Variants in SIRT4 observed in about 807,000 individuals in gnomAD.
SIRT4 encodes the protein sirtuin 4, also known as NAD-dependent protein lipoamidase sirtuin-4, mitochondrial.
SIRT4 carries 23 observed loss-of-function variants against 26.1 expected under a neutral mutation model. The observed-to-expected ratio is 0.88, with a 90% confidence interval of 0.63 to 1.25. The LOEUF is 1.25. Ranked by LOEUF, SIRT4 falls within the 50% of genes most tolerant of loss-of-function variation. SIRT4 has a pLI of 0.00. For missense variants in SIRT4, 361 were observed against 405.4 expected (o/e 0.89, Z 0.94); for synonymous variants, 155 against 158.4 (o/e 0.98, Z 0.16).
upstream of SIRT4, among the ~76,000 whole-genome samples, chr12:120,299,366 A>G (rs1872462607): frequency 6.6e-6 from 1 of 151,242 alleles, no homozygotes; most frequent in Admixed American, 6.6e-5. Flanking sequence ...AGCCTGGCCA[A>G]CATGACGAAA....
the SIRT4 span, chr12:120,293,332 C>T: frequency 6.6e-6 from 1 of 152,190 alleles, no homozygotes; most frequent in Non-Finnish European, 1.5e-5. Context: ...TCACTTATTG[C>T]TTGCTTGAAA....
At chr12:120,310,923 G>C (rs1872936488) in intron 2 of SIRT4, among the ~76,000 whole-genome samples, 1 of 150,230 alleles carries the variant, frequency 6.7e-6, no homozygotes, top group African/African-American at 2.4e-5. Context: ...TTTTAGTAGA[G>C]ATGGGGTTTC....
At chr12:120,292,956 T>G in the SIRT4 span, 6 of 152,142 alleles carry the variant, frequency 3.9e-5, no homozygotes, top group Non-Finnish European at 8.8e-5. Context: ...AACTTGCAGG[T>G]GCTCTCGCGA....
intron 2 of SIRT4, among the ~76,000 whole-genome samples, chr12:120,305,598 C>T (rs1230987634): frequency 6.6e-6 from 1 of 152,054 alleles, no homozygotes; most frequent in Non-Finnish European, 1.5e-5. Flanking sequence ...TCTCATCCCT[C>T]ATGGGTCCAG....
intron 2 of SIRT4, among the ~76,000 whole-genome samples, chr12:120,309,005 C>T (rs1872851694): frequency 6.6e-6 from 1 of 152,006 alleles, no homozygotes. Context: ...CCTGTCACTA[C>T]TAAAAGTACA....
At chr12:120,301,729 A>T (rs1872556384), upstream of SIRT4, among the ~76,000 whole-genome samples, 1 of 152,132 alleles carries the variant, frequency 6.6e-6, no homozygotes, top group East Asian at 1.9e-4. Flanking sequence ...AAAACATCTC[A>T]TGTGGGTAAA....
upstream of SIRT4, among the ~76,000 whole-genome samples, chr12:120,299,588 A>T (rs1007672154): frequency 1.3e-5 from 2 of 152,036 alleles, no homozygotes; most frequent in African/African-American, 4.8e-5. Flanking sequence ...TTTTACTTAC[A>T]AGTCTTACTG....
chr12:120,296,519 T>G, the SIRT4 span, among the ~76,000 whole-genome samples: 3 of 148,158 alleles, frequency 2.0e-5, no homozygotes, highest in African/African-American at 7.6e-5. Flanking sequence ...TTTTTTTGTT[T>G]TTTTTTTTTT....
chr12:120,293,096 G>A, the SIRT4 span: 4 of 151,984 alleles, frequency 2.6e-5, no homozygotes, highest in East Asian at 1.9e-4. Context: ...AGAAAATTCA[G>A]TCTCCGTAGA....
chr12:120,295,729 G>T, the SIRT4 span, among the ~76,000 whole-genome samples: 1 of 151,688 alleles, frequency 6.6e-6, no homozygotes, highest in Admixed American at 6.6e-5. Context: ...CACCCTCACT[G>T]CCTGTTTTCC....
intron 2 of SIRT4, among the ~76,000 whole-genome samples, chr12:120,309,502 C>T (rs1872875064): frequency 6.6e-6 from 1 of 150,752 alleles, no homozygotes; most frequent in African/African-American, 2.4e-5. Context: ...ACCTCCACCT[C>T]CCGGGTTCAA....
At chr12:120,293,812 C>T in the SIRT4 span, among the ~76,000 whole-genome samples, 3 of 149,174 alleles carry the variant, frequency 2.0e-5, no homozygotes, top group Non-Finnish European at 4.4e-5. Context: ...CCCGTGGCAA[C>T]CTCTTTTCTA....
At chr12:120,296,862 T>G in the SIRT4 span, among the ~76,000 whole-genome samples, 2 of 152,012 alleles carry the variant, frequency 1.3e-5, no homozygotes, top group Admixed American at 1.3e-4. Flanking sequence ...ATGTGGTGAA[T>G]TTAGATTCTT....
chr12:120,291,858 C>T, the SIRT4 span: 1 of 152,090 alleles, frequency 6.6e-6, no homozygotes, highest in South Asian at 2.1e-4. Context: ...AATAATCGCG[C>T]CTCGGATAAA....
At chr12:120,309,711 TTTC>T (rs1439623828) in intron 2 of SIRT4, among the ~76,000 whole-genome samples, 1 of 144,754 alleles carries the variant, frequency 6.9e-6, no homozygotes, top group Non-Finnish European at 1.5e-5. Context: ...CTGTGCCCGC[TTTC>T]TTTTTTTTTT....
the SIRT4 span, among the ~76,000 whole-genome samples, chr12:120,294,256 A>C: frequency 2.0e-5 from 3 of 150,622 alleles, 1 homozygote; most frequent in Non-Finnish European, 4.4e-5. Flanking sequence ...GGCCTCCCAA[A>C]GTGCTGGAAT....
At chr12:120,296,086 CA>C in the SIRT4 span, among the ~76,000 whole-genome samples, 68 of 40,178 alleles carry the variant, frequency 1.7e-3, no homozygotes, top group Non-Finnish European at 1.9e-3. Context: ...GACTCCGTCT[CA>C]AAAAAAAAAA....
At chr12:120,292,804 C>T in the SIRT4 span, among the ~76,000 whole-genome samples, 1 of 147,110 alleles carries the variant, frequency 6.8e-6, no homozygotes, top group Non-Finnish European at 1.5e-5. Flanking sequence ...CAGACTTCGT[C>T]TCAAAAAGAA....
chr12:120,292,098 T>C, the SIRT4 span, among the ~76,000 whole-genome samples: 1 of 152,204 alleles, frequency 6.6e-6, no homozygotes, highest in Non-Finnish European at 1.5e-5. Flanking sequence ...ACCATAAGAA[T>C]ATTCGCTTGG....
Sources: allele counts gnomAD v4.1 joint callset (sites outside exome capture counted in the v4.1 genomes callset), GRCh38; gene constraint gnomAD v4.1.1; transcripts MANE v1.5; gene names NCBI Gene and HGNC (gene_info 2026-07-23, HGNC 2026-07-21).